Variants in MTMR12 observed in about 807,000 individuals in gnomAD.
MTMR12 encodes myotubularin related protein 12.
In MTMR12, 33 loss-of-function variants were observed where a neutral mutation model predicts 96.7. That is an observed-to-expected ratio of 0.34 (90% CI 0.26 to 0.46). The LOEUF (loss-of-function observed/expected upper bound fraction) is 0.46, where lower values mean the gene tolerates loss of function less well. Among genes scored for constraint, MTMR12 ranks in the 20% least tolerant of loss-of-function variants. MTMR12 has a pLI of 1.00. For synonymous variants in MTMR12, 298 were observed against 327.2 expected (o/e 0.91, Z 0.96); for missense variants, 721 against 896.1 (o/e 0.80, Z 2.49).
chr5:32,229,655 G>A lies in MTMR12; in HGVS notation c.*123C>T. ...AGCCACCTCTTTTCCCGAAGGCCCA[G>A]GTTTATTCTAACGGAGTGCCGGGCT... On this transcript the variant is annotated 3_prime_UTR_variant, in exon 16 of 16. Transcript: ENST00000382142. 1.1e-6 allele frequency: 1 copy of A among 892,874 alleles called. No homozygotes were observed. The highest frequency in any genetic ancestry group is 1.6e-6 in the Non-Finnish European group (1 of 637,608). The allele number at this position is 892,874 out of a possible 1,614,324, so 55.3% of individuals were successfully genotyped here. A position where few individuals can be genotyped will look rare whatever the true frequency, so the allele number is the denominator to read the frequency against.
intron 1 of MTMR12, among the ~76,000 whole-genome samples, chr5:32,305,303 G>A (rs946839155): frequency 2.6e-5 from 4 of 151,998 alleles, no homozygotes; most frequent in South Asian, 2.1e-4. Context: ...TGGCCAGGCT[G>A]GTCTCAAACT....
chr5:32,281,106 G>C (rs1281767342), intron 1 of MTMR12, among the ~76,000 whole-genome samples: 21 of 151,732 alleles, frequency 1.4e-4, no homozygotes, highest in Admixed American at 1.4e-3. Flanking sequence ...AAATTGGCAG[G>C]ATGCGGCAGC....
chr5:32,248,077 C>G lies in MTMR12; in HGVS notation c.946G>C (p.Asp316His). The G allele has an allele frequency of 6.2e-7, 1 of 1,614,002 alleles. No homozygotes were observed. The highest frequency in any genetic ancestry group is 8.5e-7 in the Non-Finnish European group (1 of 1,179,880). ...RPPYEIVKTE[D>H]LSSNFLSLQE... Reference sequence around the variant, plus strand: ...AGGGACAGGAAGTTGCTTGACAGGTCTTCCGTTTTAACAATTTCATAGGGT... The same window carrying G: ...AGGGACAGGAAGTTGCTTGACAGGTGTTCCGTTTTAACAATTTCATAGGGT... Residue 316 changes from aspartate (D) to histidine (H), a missense_variant, in exon 10 of 16, where the codon GAC becomes CAC. Physicochemically the swap from Asp to His is moderately conservative, Grantham distance 81. Transcript: ENST00000382142.
At chr5:32,308,140 G>T (rs961986290) in intron 1 of MTMR12, among the ~76,000 whole-genome samples, 5 of 152,140 alleles carry the variant, frequency 3.3e-5, no homozygotes, top group Non-Finnish European at 7.4e-5. Flanking sequence ...TGGCCAATAT[G>T]GTGAAACCCC....
chr5:32,250,246 TA>T (rs1330967481), intron 8 of MTMR12, among the ~76,000 whole-genome samples: 1 of 152,084 alleles, frequency 6.6e-6, no homozygotes, highest in African/African-American at 2.4e-5. Flanking sequence ...AGGAGGCCCC[TA>T]AAATGAGAGG....
intron 2 of MTMR12, among the ~76,000 whole-genome samples, chr5:32,275,611 A>G (rs950205206): frequency 3.9e-5 from 6 of 152,238 alleles, no homozygotes; most frequent in Admixed American, 1.3e-4. Flanking sequence ...GTTGGGAGCT[A>G]GAAATGATCT....
intron 1 of MTMR12, among the ~76,000 whole-genome samples, chr5:32,293,084 A>G (rs1750796961): frequency 6.6e-6 from 1 of 152,208 alleles, no homozygotes; most frequent in Admixed American, 6.5e-5. Context: ...TGTTAGGCGT[A>G]ATTATGACCT....
chr5:32,310,430 A>G (rs1447777081), intron 1 of MTMR12, among the ~76,000 whole-genome samples: 3 of 152,248 alleles, frequency 2.0e-5, no homozygotes, highest in Non-Finnish European at 2.9e-5. Context: ...ATGAATAGAT[A>G]AAGAAAATGT....
Position 32,229,707 on chromosome 5 carries a change from C to A in MTMR12, c.*71G>T, listed in dbSNP as rs560074467. ...AGGACCCAGCCAGCATGAGCTGTAG[C>A]GTGACACAAATCCAGGGATCAGCTG... On this transcript the variant is annotated 3_prime_UTR_variant, in exon 16 of 16. Transcript: ENST00000382142. 7.0e-7 allele frequency: 1 copy of A among 1,432,728 alleles called. No individual in the cohort carries two copies. Among genetic ancestry groups the A allele is most frequent in the Non-Finnish European group, 9.3e-7 (1 of 1,077,200 alleles). 88.8% of individuals were successfully genotyped at this position (1,432,728 alleles called of 1,614,324 possible). A position where few individuals can be genotyped will look rare whatever the true frequency, so the allele number is the denominator to read the frequency against.
Position 32,274,173 on chromosome 5 carries a change from T to C in MTMR12, c.143-51A>G, listed in dbSNP as rs769240430. The C allele has an allele frequency of 3.8e-6, 6 of 1,587,538 alleles. No homozygotes were observed. In the East Asian group the frequency reaches 6.7e-5, roughly 18 times the overall value. On this transcript the variant is annotated intron_variant, in intron 2 of 15. Transcript: ENST00000382142. Reference sequence around the variant, plus strand: ...CTTAGAGTTCTCAGGGAACATACGATATGCAAACACTAAAGGCTTTCCAGC... The same window carrying C: ...CTTAGAGTTCTCAGGGAACATACGACATGCAAACACTAAAGGCTTTCCAGC...
intron 2 of MTMR12, among the ~76,000 whole-genome samples, chr5:32,274,645 T>C (rs116213105): frequency 0.014 from 2,169 of 152,264 alleles, 55 homozygotes; most frequent in African/African-American, 0.05. Context: ...GCAGCTTCCA[T>C]AGATCCAGGA....
chr5:32,270,747 A>G, intron 5 of MTMR12, 70 bp downstream of exon 5: 1 of 1,508,788 alleles, frequency 6.6e-7, no homozygotes, highest in Admixed American at 2.2e-5. Flanking sequence ...CATGCAACGT[A>G]AGCAAAAACT....
intron 10 of MTMR12, 193 bp downstream of exon 10, chr5:32,247,809 G>A (rs1197090368): frequency 1.0e-6 from 1 of 984,770 alleles, no homozygotes; most frequent in Non-Finnish European, 1.2e-6. Flanking sequence ...AGGAGGCGGG[G>A]AGGGAAAGCC....
At chr5:32,301,600 C>A (rs140365895) in intron 1 of MTMR12, among the ~76,000 whole-genome samples, 1 of 152,302 alleles carries the variant, frequency 6.6e-6, no homozygotes, top group African/African-American at 2.4e-5. Context: ...CTTCAATACT[C>A]TTAGCAAAGG....
chr5:32,242,050 AT>A lies in MTMR12; in HGVS notation c.1171+6del, dbSNP rs775374705. 3 of 1,605,508 alleles carry A rather than the reference AT, an allele frequency of 1.9e-6. No individual in the cohort carries two copies. The highest frequency in any genetic ancestry group is 2.6e-6 in the Non-Finnish European group (3 of 1,173,004). On this transcript the variant is annotated splice_donor_region_variant and intron_variant, in intron 12 of 15. Coordinates refer to ENST00000382142, the MANE Select transcript of MTMR12 (RefSeq NM_001040446.3). ...GGAAATCATCCTTTGTGCTTCCTAT[AT>A]ATTACCTAAAAGAAGAACATTCATG...
chr5:32,256,383 C>G (rs1412563519), intron 7 of MTMR12, among the ~76,000 whole-genome samples: 1 of 152,190 alleles, frequency 6.6e-6, no homozygotes, highest in Non-Finnish European at 1.5e-5. Flanking sequence ...GAAACTGAGA[C>G]ACTATTCTGC....
intron 9 of MTMR12, 141 bp from the exon 10 acceptor site, chr5:32,248,267 C>T (rs1748776449): frequency 1.1e-6 from 1 of 932,198 alleles, no homozygotes; most frequent in African/African-American, 1.7e-5. Flanking sequence ...TGCTGCAGGA[C>T]TCCTGTTCCC....
intron 7 of MTMR12, 134 bp downstream of exon 7, chr5:32,262,979 G>A: frequency 8.5e-7 from 1 of 1,175,574 alleles, no homozygotes; most frequent in Non-Finnish European, 1.2e-6. Context: ...TGGGTATGGA[G>A]TTTCTTTTTG....
chr5:32,271,677 T>G (rs1749838183), intron 4 of MTMR12, among the ~76,000 whole-genome samples, 156 bp downstream of exon 4: 1 of 152,200 alleles, frequency 6.6e-6, no homozygotes. Flanking sequence ...TATAAACCAC[T>G]TTACATCTCA....
Sources: allele counts gnomAD v4.1 joint callset (sites outside exome capture counted in the v4.1 genomes callset), GRCh38; gene constraint gnomAD v4.1.1; transcripts MANE v1.5; gene names NCBI Gene and HGNC (gene_info 2026-07-23, HGNC 2026-07-21).